Variants in ACACA observed in about 807,000 individuals in gnomAD.
ACACA encodes acetyl-CoA carboxylase alpha, also known as acetyl-CoA carboxylase 1.
Under a neutral mutation model 296.1 loss-of-function variants are expected in ACACA, and 103 were observed. The observed-to-expected ratio is 0.35, with a 90% CI of 0.30 to 0.41. The LOEUF (loss-of-function observed/expected upper bound fraction) is 0.41. Among genes scored for constraint, ACACA ranks in the 10% least tolerant of loss-of-function variants. ACACA has a pLI of 1.00. For missense variants in ACACA, 1,554 were observed against 2,989.7 expected, an observed-to-expected ratio of 0.52 and a Z score of 11.20; for synonymous variants, 953 against 1,038.6, an observed-to-expected ratio of 0.92 and a Z score of 1.58.
chr17:37,181,330 T>C lies in ACACA; in HGVS notation c.4803A>G (p.Lys1601=), dbSNP rs1256981292. ...TTAACATTCCATGCAGTGGTCCCTG[T>C]TTGTCTCCATATGCCTGAAACATGA... ...AQIMFQAYGD[K]QGPLHGMLIN... is the part of the protein sequence containing the mutation. The change falls in exon 40 of 56, where the codon AAA becomes AAG. Residue 1601 remains lysine, a synonymous_variant. Transcript: ENST00000616317. The C allele has an allele frequency of 6.2e-7, 1 of 1,614,062 alleles. No homozygotes were observed. Among genetic ancestry groups the C allele is most frequent in the Non-Finnish European group, 8.5e-7 (1 of 1,179,998 alleles).
chr17:37,103,000 G>C (rs1194275859), intron 52 of ACACA, among the ~76,000 whole-genome samples: 1 of 152,204 alleles, frequency 6.6e-6, no homozygotes, highest in Non-Finnish European at 1.5e-5. Flanking sequence ...CTGAAGTGGA[G>C]AATATATGTG....
intron 1 of ACACA, among the ~76,000 whole-genome samples, chr17:37,353,750 T>G (rs892313720): frequency 2.0e-5 from 3 of 151,652 alleles, no homozygotes; most frequent in African/African-American, 7.3e-5. Context: ...TGAGGCCTTA[T>G]ATTTCTTGAG....
At chr17:37,129,658 T>C (rs2074995606) in intron 46 of ACACA, among the ~76,000 whole-genome samples, 173 bp from the exon 47 acceptor site, 1 of 152,178 alleles carries the variant, frequency 6.6e-6, no homozygotes, top group Non-Finnish European at 1.5e-5. Flanking sequence ...AAGGAACATG[T>C]ATAGGTCAAT....
Position 37,151,435 on chromosome 17 carries a change from C to T in ACACA, c.5448-14G>A, listed in dbSNP as rs971784976. The stretch of plus-strand genomic sequence containing the variant: ...GTTATCTTGTACCTATTGGATATGG[C>T]CATGTCAAATTATGAATGTTAAACA... On this transcript the variant is annotated splice_polypyrimidine_tract_variant and intron_variant, in intron 43 of 55. Coordinates refer to ENST00000616317, the MANE Select transcript of ACACA (RefSeq NM_198834.3). 3.1e-6 allele frequency: 5 copies of T among 1,612,904 alleles called. No homozygotes were observed. The highest frequency in any genetic ancestry group is 2.7e-5 in the African/African-American group (2 of 74,874).
intron 47 of ACACA, among the ~76,000 whole-genome samples, chr17:37,128,127 CAAG>C (rs1463152642): frequency 2.9e-5 from 4 of 137,784 alleles, no homozygotes; most frequent in African/African-American, 1.1e-4. Context: ...TTAAAATTAA[CAAG>C]AAGAGGCACT....
Position 37,359,278 on chromosome 17 carries a change from C to A in ACACA, c.39-19428G>T, listed in dbSNP as rs567929288. On this transcript the variant is annotated intron_variant, in intron 1 of 55. Transcript: ENST00000616317. ...CTCCGGGCTGCGGCGCTGCCAGGGC[C>A]GCCGGGGGGCGAGGCGCGGGCCCGA... Among the ~76,000 whole-genome samples the A allele has an allele frequency of 3.1e-3, 478 of 152,268 alleles. 1 individual carries two copies. The highest frequency in any genetic ancestry group is 0.01 in the Middle Eastern group (3 of 292).
At chr17:37,215,811 G>A (rs1156378293) in intron 29 of ACACA, among the ~76,000 whole-genome samples, 4 of 151,474 alleles carry the variant, frequency 2.6e-5, no homozygotes, top group South Asian at 2.1e-4. Context: ...AGACTCACTA[G>A]GGAAAGAAGG....
At position 37,258,218 on chromosome 17, in the gene ACACA, T is replaced by G. The variant is rs763840872; in HGVS notation, c.1656A>C (p.Pro552=). 3 of 1,614,038 alleles carry G rather than the reference T, an allele frequency of 1.9e-6. No homozygotes were observed. The highest frequency in any genetic ancestry group is 2.5e-6 in the Non-Finnish European group (3 of 1,180,014). ...VIAARITSEN[P]DEGFKPSSGT... is the part of the protein sequence containing the mutation. Reference sequence around the variant, plus strand: ...CTTTTAAGTGATGGGTTACCTCATCTGGATTTTCACTAGTGATCCGAGCAG... The same window carrying G: ...CTTTTAAGTGATGGGTTACCTCATCGGGATTTTCACTAGTGATCCGAGCAG... Residue 552 remains proline, a synonymous_variant, in exon 13 of 56, where the codon CCA becomes CCC. Transcript: ENST00000616317.
Position 37,087,201 on chromosome 17 carries a change from C to T in ACACA, c.*115G>A. The T allele has an allele frequency of 6.9e-7, 1 of 1,438,942 alleles. No individual in the cohort carries two copies. Among genetic ancestry groups the T allele is most frequent in the Non-Finnish European group, 9.7e-7 (1 of 1,029,690 alleles). The allele number at this position is 1,438,942 out of a possible 1,614,324, so 89.1% of individuals were successfully genotyped here. A position where few individuals can be genotyped will look rare whatever the true frequency, so the allele number is the denominator to read the frequency against. ...CCTGAAACGAGAGGAAGTAAAATGC[C>T]ATTTGACTCCAGTGCTGGGTCTCCT... On this transcript the variant is annotated 3_prime_UTR_variant, in exon 56 of 56. Transcript: ENST00000616317.
At position 37,267,053 on chromosome 17, in the gene ACACA, G is replaced by A. The variant is rs145309570; in HGVS notation, c.1120-3159C>T. On this transcript the variant is annotated intron_variant, in intron 10 of 55. Transcript: ENST00000616317. The stretch of plus-strand genomic sequence containing the variant: ...TCAATGTCTTACGTTTTACTTTTCT[G>A]TTATGGCAACATCATACCGTTAGGT... Among the ~76,000 whole-genome samples the A allele has an allele frequency of 1.4e-3, 212 of 152,260 alleles. 1 individual carries two copies. Among genetic ancestry groups the A allele is most frequent in the African/African-American group, 4.9e-3 (203 of 41,554 alleles).
At chr17:37,279,331 CTA>C (rs2082402856) in intron 5 of ACACA, among the ~76,000 whole-genome samples, 1 of 152,052 alleles carries the variant, frequency 6.6e-6, no homozygotes, top group Non-Finnish European at 1.5e-5. Flanking sequence ...TATAACAATA[CTA>C]TATTTTAAAA....
chr17:37,245,246 ATC>A, intron 19 of ACACA, 32 bp from the exon 20 acceptor site: 1 of 1,610,322 alleles, frequency 6.2e-7, no homozygotes, highest in Non-Finnish European at 8.5e-7. Context: ...ACTCAGATTT[ATC>A]TCTCTTTACA....
chr17:37,386,376 G>A (rs2050530541), intron 1 of ACACA, among the ~76,000 whole-genome samples: 1 of 152,046 alleles, frequency 6.6e-6, no homozygotes, highest in Non-Finnish European at 1.5e-5. Flanking sequence ...CGGATCACCT[G>A]TGGTCAGGAG....
At chr17:37,168,723 G>T (rs1250287134) in intron 41 of ACACA, among the ~76,000 whole-genome samples, 1 of 152,048 alleles carries the variant, frequency 6.6e-6, no homozygotes, top group African/African-American at 2.4e-5. Flanking sequence ...TAGTTTGTTG[G>T]GTTATCATTT....
chr17:37,235,029 G>A lies in ACACA; in HGVS notation c.3192C>T (p.Tyr1064=). The A allele has an allele frequency of 6.2e-7, 1 of 1,613,862 alleles. No homozygotes were observed. Among genetic ancestry groups the A allele is most frequent in the Non-Finnish European group, 8.5e-7 (1 of 1,179,876 alleles). Residue 1064 remains tyrosine (Y), a synonymous_variant, in exon 25 of 56, where the codon TAC becomes TAT. Transcript: ENST00000616317. ...NKSDMNTVLN[Y]IFSHAQVTKK... Reference sequence around the variant, plus strand: ...TGGTGACTTGAGCGTGAGAGAAGATGTAGTTCAGTACAGTGTTCATGTCAC... The same window carrying A: ...TGGTGACTTGAGCGTGAGAGAAGATATAGTTCAGTACAGTGTTCATGTCAC...
At chr17:37,240,152 G>C (rs2080320499) in intron 24 of ACACA, among the ~76,000 whole-genome samples, 1 of 152,180 alleles carries the variant, frequency 6.6e-6, no homozygotes, top group African/African-American at 2.4e-5. Flanking sequence ...ATTTCAGCCT[G>C]TGATGACTCA....
In ACACA at chr17:37,087,375, G is replaced by A. The variant is rs532675084; in HGVS notation, c.7093C>T (p.Pro2365Ser). 2 of 1,614,126 alleles carry A rather than the reference G, an allele frequency of 1.2e-6. No homozygotes were observed. Among genetic ancestry groups the A allele is most frequent in the East Asian group, 4.5e-5 (2 of 44,882 alleles). ...SIIHMTQHISPTQRAEVIRIL... is the reference protein window; with the variant it reads ...SIIHMTQHISSTQRAEVIRIL... ...CGTATGACTTCTGCTCGCTGAGTGG[G>A]TGATATGTGCTGCGTCATATGGATG... The change falls in exon 56 of 56, where the codon CCC becomes TCC. Residue 2365 changes from proline (P) to serine (S), a missense_variant. Coordinates refer to ENST00000616317, the MANE Select transcript of ACACA (RefSeq NM_198834.3).
At chr17:37,094,739 A>C (rs1486479715) in intron 54 of ACACA, among the ~76,000 whole-genome samples, 1 of 152,188 alleles carries the variant, frequency 6.6e-6, no homozygotes, top group African/African-American at 2.4e-5. Context: ...ATATGGAAGG[A>C]GGTTTCAAAG....
At chr17:37,108,786 C>T (rs1014187578) in intron 52 of ACACA, among the ~76,000 whole-genome samples, 7 of 152,114 alleles carry the variant, frequency 4.6e-5, no homozygotes, top group Admixed American at 2.0e-4. Context: ...GGGGAGAGAA[C>T]GGCAACACAA....
Sources: allele counts gnomAD v4.1 joint callset (sites outside exome capture counted in the v4.1 genomes callset), GRCh38; gene constraint gnomAD v4.1.1; transcripts MANE v1.5; gene names NCBI Gene and HGNC (gene_info 2026-07-23, HGNC 2026-07-21).